TMEM178B: variants seen among roughly 807,000 people sequenced by gnomAD.
TMEM178B encodes transmembrane protein 178B.
In TMEM178B, 5 loss-of-function variants were observed where a neutral mutation model predicts 31.0. The observed-to-expected ratio is 0.16, with a 90% CI of 0.08 to 0.34. The LOEUF is 0.34. Among genes scored for constraint, TMEM178B ranks in the 10% least tolerant of loss-of-function variants. TMEM178B has a pLI of 1.00. For missense variants in TMEM178B, 275 were observed against 400.3 expected (o/e 0.69, Z 2.67); for synonymous variants, 164 against 164.0 (o/e 1.00, Z 0.00).
chr7:141,194,735 T>C (rs1796754536), intron 1 of TMEM178B, among the ~76,000 whole-genome samples: 1 of 152,236 alleles, frequency 6.6e-6, no homozygotes. Flanking sequence ...ATGGGGTCTC[T>C]GACCCCACAT....
chr7:141,396,767 G>C (rs1800665223), intron 2 of TMEM178B, among the ~76,000 whole-genome samples: 1 of 152,230 alleles, frequency 6.6e-6, no homozygotes. Flanking sequence ...TGAGCCCAGA[G>C]AGAGGATAAA....
intron 1 of TMEM178B, among the ~76,000 whole-genome samples, chr7:141,100,805 T>C (rs1204028887): frequency 2.0e-5 from 3 of 152,224 alleles, no homozygotes; most frequent in South Asian, 2.1e-4. Flanking sequence ...GATTTTCTTA[T>C]GTGGCTCATA....
chr7:141,290,962 T>A (rs1050756428), intron 2 of TMEM178B, among the ~76,000 whole-genome samples: 1 of 152,200 alleles, frequency 6.6e-6, no homozygotes, highest in African/African-American at 2.4e-5. Context: ...CACCTACCCA[T>A]CGCTGGCTGG....
the TMEM178B span, among the ~76,000 whole-genome samples, chr7:141,489,088 T>C: frequency 6.6e-6 from 1 of 152,298 alleles, no homozygotes; most frequent in South Asian, 2.1e-4. Context: ...TGTTAAAATA[T>C]TTGTGATCAT....
chr7:141,401,651 C>T (rs528767524), intron 2 of TMEM178B, among the ~76,000 whole-genome samples: 1 of 152,134 alleles, frequency 6.6e-6, no homozygotes, highest in East Asian at 1.9e-4. Context: ...AGAGATTCTC[C>T]CAACTTGGCC....
chr7:141,158,550 C>T (rs1796113480), intron 1 of TMEM178B, among the ~76,000 whole-genome samples: 1 of 152,190 alleles, frequency 6.6e-6, no homozygotes, highest in Non-Finnish European at 1.5e-5. Context: ...TCTCAGCCTC[C>T]CCAAAGCCAT....
chr7:141,405,848 C>T (rs1157157891), intron 2 of TMEM178B, among the ~76,000 whole-genome samples: 3 of 152,130 alleles, frequency 2.0e-5, no homozygotes, highest in East Asian at 3.9e-4. Flanking sequence ...CCTGGTGTCA[C>T]GAAGTAGCTG....
intron 2 of TMEM178B, among the ~76,000 whole-genome samples, chr7:141,405,462 C>T (rs535650753): frequency 6.6e-6 from 1 of 152,344 alleles, no homozygotes; most frequent in East Asian, 1.9e-4. Context: ...GACTGTGGGG[C>T]CAGTTTCCTA....
chr7:141,191,838 G>A (rs1429678491), intron 1 of TMEM178B, among the ~76,000 whole-genome samples: 5 of 152,054 alleles, frequency 3.3e-5, no homozygotes, highest in Admixed American at 6.5e-5. Context: ...GTATTTTTAC[G>A]TATTCAAATT....
At chr7:141,307,430 C>G (rs1465099968) in intron 2 of TMEM178B, among the ~76,000 whole-genome samples, 1 of 152,196 alleles carries the variant, frequency 6.6e-6, no homozygotes, top group Non-Finnish European at 1.5e-5. Flanking sequence ...ATCCTGGCAG[C>G]GGCTGCCACT....
rs11536498 is a variant in TMEM178B, at chr7:141,384,045, G to A, written c.497-53563G>A. ...TGAGAAGTGTCTGTTCATGTCCTTC[G>A]CCCACTTTTTGATGGGGTTGTTTGT... is the stretch of plus-strand genomic sequence containing the variant. On this transcript the variant is annotated intron_variant, in intron 2 of 3. Coordinates refer to ENST00000565468, the MANE Select transcript of TMEM178B (RefSeq NM_001195278.2). 2.0e-3 allele frequency among the ~76,000 whole-genome samples: 304 copies of A among 152,278 alleles called. 2 individuals are homozygous for A. In the East Asian group the frequency reaches 0.04, roughly 20 times the overall value.
chr7:141,425,065 G>A (rs1219244448), intron 2 of TMEM178B, among the ~76,000 whole-genome samples: 2 of 152,164 alleles, frequency 1.3e-5, no homozygotes, highest in African/African-American at 4.8e-5. Context: ...GAGAAAAATA[G>A]CGCCTACCTT....
intron 2 of TMEM178B, among the ~76,000 whole-genome samples, chr7:141,429,243 A>G (rs1236751708): frequency 1.3e-5 from 2 of 152,154 alleles, no homozygotes; most frequent in African/African-American, 2.4e-5. Context: ...TATTCACAAT[A>G]GCTAAGACGT....
At chr7:141,353,070 A>G (rs1440436305) in intron 2 of TMEM178B, among the ~76,000 whole-genome samples, 1 of 151,984 alleles carries the variant, frequency 6.6e-6, no homozygotes, top group Non-Finnish European at 1.5e-5. Flanking sequence ...TTGCTTTTAA[A>G]TGCCTCCTTG....
At chr7:141,216,446 TGTGCGCGC>T (rs1321561393) in intron 2 of TMEM178B, among the ~76,000 whole-genome samples, 17 of 53,488 alleles carry the variant, frequency 3.2e-4, no homozygotes, top group African/African-American at 7.6e-4. Flanking sequence ...TGTGTGTGTG[TGTGCGCGC>T]GCGCGCGCGT....
chr7:141,133,087 T>G (rs1008321881), intron 1 of TMEM178B, among the ~76,000 whole-genome samples: 2 of 152,042 alleles, frequency 1.3e-5, no homozygotes, highest in Non-Finnish European at 2.9e-5. Flanking sequence ...AGAAAAAGTC[T>G]TTCCCTATGA....
intron 3 of TMEM178B, among the ~76,000 whole-genome samples, chr7:141,463,960 A>G (rs1802105708): frequency 6.6e-6 from 1 of 152,192 alleles, no homozygotes; most frequent in South Asian, 2.1e-4. Context: ...TAATCTGATT[A>G]ATTTTTTTAA....
intron 2 of TMEM178B, among the ~76,000 whole-genome samples, chr7:141,347,019 C>G (rs1464144980): frequency 6.6e-6 from 1 of 152,074 alleles, no homozygotes; most frequent in Non-Finnish European, 1.5e-5. Context: ...GGTGCCTCCC[C>G]CTTGCTCTCT....
Position 141,177,625 on chromosome 7 carries a change from T to C in TMEM178B, c.383-34966T>C, listed in dbSNP as rs146359599. Among the ~76,000 whole-genome samples the C allele has an allele frequency of 1.9e-3, 288 of 152,252 alleles. 2 individuals are homozygous for C. Among genetic ancestry groups the C allele is most frequent in the East Asian group, 6.8e-3 (35 of 5,180 alleles). On this transcript the variant is annotated intron_variant, in intron 1 of 3. Coordinates refer to ENST00000565468, the MANE Select transcript of TMEM178B (RefSeq NM_001195278.2). Reference sequence around the variant, plus strand: ...AGAACTTGCTTTATGAATCTGGGTGTTCCTTTATTGGGTGCATATATATTT... The same window carrying C: ...AGAACTTGCTTTATGAATCTGGGTGCTCCTTTATTGGGTGCATATATATTT...
Sources: allele counts gnomAD v4.1 joint callset (sites outside exome capture counted in the v4.1 genomes callset), GRCh38; gene constraint gnomAD v4.1.1; transcripts MANE v1.5; gene names NCBI Gene and HGNC (gene_info 2026-07-23, HGNC 2026-07-21).